Variants in CAMKMT observed in about 807,000 individuals in gnomAD.
CAMKMT encodes CaM KMT.
A neutral mutation model predicts 48.0 loss-of-function variants in CAMKMT; 53 were observed. The ratio of observed to expected loss-of-function variants is 1.10; its 90% CI spans 0.89 to 1.39. The LOEUF (loss-of-function observed/expected upper bound fraction) is 1.39, where lower values mean the gene tolerates loss of function less well. Ranked by LOEUF, CAMKMT falls within the 40% of genes most tolerant of loss-of-function variation. The pLI, the probability that CAMKMT is intolerant of heterozygous loss-of-function variation, is 0.00. For synonymous variants in CAMKMT, 165 were observed against 152.3 expected, an observed-to-expected ratio of 1.08 and a Z score of -0.61; for missense variants, 428 against 402.7, an observed-to-expected ratio of 1.06 and a Z score of -0.54.
intron 3 of CAMKMT, among the ~76,000 whole-genome samples, chr2:44,568,765 A>T (rs1036424083): frequency 1.3e-5 from 2 of 152,168 alleles, no homozygotes; most frequent in Non-Finnish European, 2.9e-5. Context: ...GGGAAGTGAC[A>T]TGTGCAGCCC....
chr2:44,736,057 T>G (rs1014818127), intron 7 of CAMKMT, among the ~76,000 whole-genome samples: 11 of 152,326 alleles, frequency 7.2e-5, no homozygotes, highest in Admixed American at 5.9e-4. Flanking sequence ...CCAATTATAT[T>G]TAAAGAGGTT....
intron 3 of CAMKMT, among the ~76,000 whole-genome samples, chr2:44,405,585 T>G (rs974382038): frequency 6.6e-6 from 1 of 151,866 alleles, no homozygotes; most frequent in Non-Finnish European, 1.5e-5. Flanking sequence ...TTTATTAATC[T>G]TTGTACTTAA....
intron 3 of CAMKMT, among the ~76,000 whole-genome samples, chr2:44,659,671 A>G (rs1306307184): frequency 6.6e-6 from 1 of 152,110 alleles, no homozygotes; most frequent in African/African-American, 2.4e-5. Flanking sequence ...TTATTTCTGT[A>G]GGTGGCAAAG....
At chr2:44,631,373 T>G in intron 3 of CAMKMT, 2 of 399,512 alleles carry the variant, frequency 5.0e-6, no homozygotes, top group Non-Finnish European at 8.7e-6. Flanking sequence ...GTTGTGCACA[T>G]GTACCCTAAA....
intron 3 of CAMKMT, among the ~76,000 whole-genome samples, chr2:44,529,514 CTCTAAGGAATGAA>C (rs1279041740): frequency 6.6e-6 from 1 of 152,114 alleles, no homozygotes; most frequent in Non-Finnish European, 1.5e-5. Context: ...GTCTATGATA[CTCTAAGGAATGAA>C]TACATGTTCA....
chr2:44,739,560 G>A (rs935960856), intron 7 of CAMKMT, among the ~76,000 whole-genome samples: 3 of 152,194 alleles, frequency 2.0e-5, no homozygotes, highest in Non-Finnish European at 4.4e-5. Flanking sequence ...TATTAAAATA[G>A]GAAGTTGGAT....
chr2:44,594,274 C>T (rs561233797), intron 3 of CAMKMT, among the ~76,000 whole-genome samples: 2 of 152,282 alleles, frequency 1.3e-5, no homozygotes, highest in South Asian at 2.1e-4. Flanking sequence ...CCCCATCAAG[C>T]TACCATTGAC....
At chr2:44,402,740 G>GTTTTTTTTTTTTTTTTTTTTTTTT in intron 3 of CAMKMT, among the ~76,000 whole-genome samples, 1 of 94,104 alleles carries the variant, frequency 1.1e-5, no homozygotes, top group Non-Finnish European at 2.1e-5. Flanking sequence ...TTGTTTTGCT[G>GTTTTTTTTTTTTTTTTTTTTTTTT]TTTTTTTTTT....
chr2:44,770,356 G>A (rs1053244286), intron 10 of CAMKMT, among the ~76,000 whole-genome samples: 3 of 152,262 alleles, frequency 2.0e-5, no homozygotes, highest in Admixed American at 6.5e-5. Flanking sequence ...TTTCAGCAAC[G>A]AAGCCTCCAC....
chr2:44,384,364 T>G (rs1311943077), intron 2 of CAMKMT, among the ~76,000 whole-genome samples: 2 of 152,168 alleles, frequency 1.3e-5, no homozygotes, highest in African/African-American at 2.4e-5. Flanking sequence ...TCGTTGTGGA[T>G]TCTGAATATT....
chr2:44,644,750 G>T (rs568838075), intron 3 of CAMKMT, among the ~76,000 whole-genome samples: 2 of 152,200 alleles, frequency 1.3e-5, no homozygotes, highest in African/African-American at 4.8e-5. Flanking sequence ...TATAGCTTGG[G>T]GTTTTTGGTA....
At chr2:44,428,817 A>T (rs1392770023) in intron 3 of CAMKMT, among the ~76,000 whole-genome samples, 1 of 152,222 alleles carries the variant, frequency 6.6e-6, no homozygotes, top group Non-Finnish European at 1.5e-5. Context: ...CAAGTTTATG[A>T]TGACTCCATG....
chr2:44,407,639 A>C (rs759013809), intron 3 of CAMKMT, among the ~76,000 whole-genome samples: 6 of 152,216 alleles, frequency 3.9e-5, no homozygotes, highest in Admixed American at 3.3e-4. Flanking sequence ...ATTTGGTACT[A>C]TACAGATGTT....
At chr2:44,636,983 AG>A (rs1282692787) in intron 3 of CAMKMT, among the ~76,000 whole-genome samples, 2 of 152,232 alleles carry the variant, frequency 1.3e-5, no homozygotes, top group Non-Finnish European at 1.5e-5. Context: ...TTCACTTGGC[AG>A]TAGATAGAAC....
At chr2:44,488,225 G>A (rs181745986) in intron 3 of CAMKMT, among the ~76,000 whole-genome samples, 33 of 152,252 alleles carry the variant, frequency 2.2e-4, no homozygotes, top group African/African-American at 6.5e-4. Context: ...TTGGCCGGGC[G>A]CGGTGGCTCA....
At chr2:44,400,536 C>G (rs1195099181) in intron 3 of CAMKMT, among the ~76,000 whole-genome samples, 1 of 152,028 alleles carries the variant, frequency 6.6e-6, no homozygotes, top group Non-Finnish European at 1.5e-5. Flanking sequence ...ATTTAGTTAT[C>G]TACTTAAGAT....
chr2:44,595,957 G>T (rs1156398459), intron 3 of CAMKMT, among the ~76,000 whole-genome samples: 1 of 151,626 alleles, frequency 6.6e-6, no homozygotes, highest in Non-Finnish European at 1.5e-5. Flanking sequence ...ACATGGGGCT[G>T]GGGGGGCATC....
intron 3 of CAMKMT, among the ~76,000 whole-genome samples, chr2:44,511,648 T>G (rs929942433): frequency 1.3e-5 from 2 of 152,196 alleles, no homozygotes; most frequent in Non-Finnish European, 2.9e-5. Context: ...AATCGTTACA[T>G]TGGACTTTTG....
At chr2:44,556,122 T>A in intron 3 of CAMKMT, among the ~76,000 whole-genome samples, 1 of 152,208 alleles carries the variant, frequency 6.6e-6, no homozygotes, top group East Asian at 1.9e-4. Flanking sequence ...CCTACAATTT[T>A]TTTTATTTTT....
Sources: allele counts gnomAD v4.1 joint callset (sites outside exome capture counted in the v4.1 genomes callset), GRCh38; gene constraint gnomAD v4.1.1; transcripts MANE v1.5; gene names NCBI Gene and HGNC (gene_info 2026-07-23, HGNC 2026-07-21).